Variants in CAPS2 observed in about 807,000 individuals in gnomAD.
CAPS2 encodes the protein calcyphosine 2, also known as calcyphosin-2.
CAPS2 carries 98 observed loss-of-function variants against 86.5 expected under a neutral mutation model. That is an observed-to-expected ratio of 1.13 (90% confidence interval 0.96 to 1.34). CAPS2 has a LOEUF of 1.34. CAPS2 is among the 40% of genes most tolerant of loss of function. The probability of loss-of-function intolerance (pLI) is 0.00; values close to 1 mark genes in which losing one functional copy is unlikely to be tolerated. For missense variants in CAPS2, 729 were observed against 686.8 expected (o/e 1.06, Z -0.69); for synonymous variants, 210 against 225.1 (o/e 0.93, Z 0.60).
intron 1 of CAPS2, among the ~76,000 whole-genome samples, chr12:75,379,669 G>T (rs1211715142): frequency 1.3e-5 from 2 of 152,006 alleles, no homozygotes; most frequent in African/African-American, 4.8e-5. Context: ...GACAAGTTTG[G>T]GTTGTCAAAC....
intron 5 of CAPS2, among the ~76,000 whole-genome samples, chr12:75,320,236 C>T (rs2040171482): frequency 6.6e-6 from 1 of 151,800 alleles, no homozygotes; most frequent in Non-Finnish European, 1.5e-5. Context: ...AAAAAAAGTC[C>T]TCATTTGAAT....
rs575713838 is a variant in CAPS2, at chr12:75,290,094, T to C, written c.1241-319A>G. Among the ~76,000 whole-genome samples the C allele has an allele frequency of 2.1e-4, 32 of 152,336 alleles. 1 individual carries two copies. The South Asian group carries it at 6.4e-3, about 31-fold the overall frequency. On this transcript the variant is annotated intron_variant, in intron 13 of 16. Coordinates refer to ENST00000393284, the Ensembl canonical transcript of CAPS2. ...AAATATTACAAATAAAATCTTAGATTTTGTTGTGTAGACAACCTCTTTAAC... is the reference window on the plus strand; with the variant it reads ...AAATATTACAAATAAAATCTTAGATCTTGTTGTGTAGACAACCTCTTTAAC...
At chr12:75,348,449 A>G (rs966973758) in intron 1 of CAPS2, among the ~76,000 whole-genome samples, 1 of 152,246 alleles carries the variant, frequency 6.6e-6, no homozygotes. Flanking sequence ...AGCAAAAACA[A>G]GAATGAAAAA....
intron 7 of CAPS2, among the ~76,000 whole-genome samples, chr12:75,308,097 C>T (rs897635491): frequency 2.0e-5 from 3 of 152,138 alleles, no homozygotes; most frequent in Non-Finnish European, 2.9e-5. Context: ...GGTTGTGGGC[C>T]AAGTCTAAAT....
At chr12:75,385,874 A>G (rs1175869304) in intron 1 of CAPS2, among the ~76,000 whole-genome samples, 1 of 152,246 alleles carries the variant, frequency 6.6e-6, no homozygotes, top group Non-Finnish European at 1.5e-5. Flanking sequence ...ACAAATACTT[A>G]GTCATAAATC....
At chr12:75,300,517 C>T (rs1322271792) in intron 8 of CAPS2, among the ~76,000 whole-genome samples, 2 of 133,512 alleles carry the variant, frequency 1.5e-5, no homozygotes, top group East Asian at 2.2e-4. Flanking sequence ...GATCGCGCCA[C>T]TGCACTCCAG....
At chr12:75,345,177 T>C (rs2042365860) in intron 1 of CAPS2, among the ~76,000 whole-genome samples, 1 of 152,068 alleles carries the variant, frequency 6.6e-6, no homozygotes, top group Middle Eastern at 3.2e-3. Context: ...CAGACTCTCA[T>C]AACTATGAGA....
intron 1 of CAPS2, chr12:75,370,360 T>A: frequency 2.1e-6 from 1 of 469,736 alleles, no homozygotes; most frequent in Non-Finnish European, 3.8e-6. Context: ...AGCAGTAGAA[T>A]AAAGTCTTAA....
At chr12:75,277,831 C>T (rs1343600735) in exon 17 of CAPS2, 2 of 901,658 alleles carry the variant, frequency 2.2e-6, no homozygotes, top group Admixed American at 1.2e-4. Context: ...ATAAAGTTGT[C>T]TCTTTTCTCT....
chr12:75,352,314 C>A (rs949679911), intron 1 of CAPS2, among the ~76,000 whole-genome samples: 7 of 152,116 alleles, frequency 4.6e-5, no homozygotes, highest in African/African-American at 1.7e-4. Flanking sequence ...GAAAATTTAC[C>A]AAGCAAATGG....
chr12:75,326,361 TA>T, intron 1 of CAPS2, 56 bp downstream of exon 2: 6 of 653,204 alleles, frequency 9.2e-6, no homozygotes, highest in Non-Finnish European at 1.1e-5. Context: ...GAAGAAAAGG[TA>T]AAAAAATTAT....
intron 1 of CAPS2, among the ~76,000 whole-genome samples, chr12:75,345,901 T>C (rs2042410748): frequency 1.3e-5 from 2 of 152,214 alleles, no homozygotes; most frequent in African/African-American, 4.8e-5. Flanking sequence ...GGGAGCTTAC[T>C]CTTTATTGGC....
chr12:75,356,502 A>G (rs1382556844), intron 1 of CAPS2, among the ~76,000 whole-genome samples: 1 of 152,220 alleles, frequency 6.6e-6, no homozygotes, highest in Non-Finnish European at 1.5e-5. Flanking sequence ...AAAGATGCAC[A>G]CTATAAATTC....
intron 1 of CAPS2, among the ~76,000 whole-genome samples, chr12:75,387,020 A>G (rs1288633851): frequency 6.6e-6 from 1 of 152,206 alleles, no homozygotes; most frequent in Non-Finnish European, 1.5e-5. Context: ...TTTAGATACA[A>G]CACAAAAGGT....
At chr12:75,370,225 GT>G in intron 1 of CAPS2, 2 of 942,774 alleles carry the variant, frequency 2.1e-6, no homozygotes, top group Non-Finnish European at 3.4e-6. Context: ...TAAAGGAATA[GT>G]TTATTGCTTA....
chr12:75,303,550 A>G (rs142960261), intron 8 of CAPS2, among the ~76,000 whole-genome samples: 30 of 152,302 alleles, frequency 2.0e-4, no homozygotes, highest in African/African-American at 6.5e-4. Context: ...TCTGTTTTTG[A>G]TAATTCCTAT....
chr12:75,298,630 G>A, intron 11 of CAPS2, 57 bp downstream of exon 11: 3 of 1,341,984 alleles, frequency 2.2e-6, no homozygotes, highest in Non-Finnish European at 3.2e-6. Flanking sequence ...ACCTCCATGG[G>A]ACTCCACAAA....
At chr12:75,374,665 T>C (rs974121248) in intron 1 of CAPS2, among the ~76,000 whole-genome samples, 1 of 152,224 alleles carries the variant, frequency 6.6e-6, no homozygotes, top group African/African-American at 2.4e-5. Context: ...GCAAACAAGA[T>C]TATGACATAA....
At chr12:75,285,450 T>C (rs988310987) in intron 14 of CAPS2, among the ~76,000 whole-genome samples, 9 of 152,026 alleles carry the variant, frequency 5.9e-5, no homozygotes, top group African/African-American at 1.9e-4. Flanking sequence ...ATTTATCATT[T>C]ATTTGTGACA....
Sources: gnomAD v4.1 joint callset for allele counts (sites outside exome capture counted in the v4.1 genomes callset) on GRCh38, gnomAD v4.1.1 for gene constraint, MANE v1.5 for transcripts, NCBI Gene and HGNC (gene_info 2026-07-23, HGNC 2026-07-21) for gene names.